KNDC1: variants seen among roughly 807,000 people sequenced by gnomAD.
KNDC1 encodes kinase non-catalytic C-lobe domain containing 1.
In KNDC1, 106 loss-of-function variants were observed where a neutral mutation model predicts 172.8. The ratio of observed to expected loss-of-function variants is 0.61; its 90% CI spans 0.52 to 0.72. The LOEUF is 0.72. KNDC1 is among the 30% of genes least tolerant of loss of function. The pLI, the probability that KNDC1 is intolerant of heterozygous loss-of-function variation, is 0.00. For missense variants in KNDC1, 2,325 were observed against 2,394.5 expected, an observed-to-expected ratio of 0.97 and a Z score of 0.61; for synonymous variants, 1,083 against 1,062.2, an observed-to-expected ratio of 1.02 and a Z score of -0.38.
At chr10:133,175,887 T>G (rs1853521125) in intron 3 of KNDC1, among the ~76,000 whole-genome samples, 1 of 148,276 alleles carries the variant, frequency 6.7e-6, no homozygotes, top group Non-Finnish European at 1.5e-5. Context: ...GATGGGTGGG[T>G]GAATGGATGG....
Position 133,200,448 on chromosome 10 carries a change from C to T in KNDC1, c.2977C>T (p.Leu993=), listed in dbSNP as rs912120794. ...CTCCCCGTCCAGCAAGAGGCCGTCG[C>T]TGCACCGCCTGGGTAAGTGCTGGGC... The part of the protein sequence containing the change: ...PRSPSSKRPS[L]HRLGKEKPAM... The change falls in exon 16 of 30, where the codon CTG becomes TTG. Residue 993 remains leucine (L), a synonymous_variant. Coordinates refer to ENST00000304613, the MANE Select transcript of KNDC1 (RefSeq NM_152643.8). 7 of 1,582,652 alleles carry T rather than the reference C, an allele frequency of 4.4e-6. No homozygotes were observed. The highest frequency in any genetic ancestry group is 6.0e-6 in the Non-Finnish European group (7 of 1,166,170).
At chr10:133,182,908 G>A (rs112829080) in intron 3 of KNDC1, among the ~76,000 whole-genome samples, 8 of 147,536 alleles carry the variant, frequency 5.4e-5, no homozygotes, top group East Asian at 2.0e-4. Context: ...GCGTGGGTGC[G>A]AGCAATGTGG....
chr10:133,210,569 C>T (rs372869455), intron 20 of KNDC1, 42 bp from the exon 21 acceptor site: 17 of 1,206,388 alleles, frequency 1.4e-5, no homozygotes, highest in Non-Finnish European at 2.0e-5. Flanking sequence ...CCCTGGGGTG[C>T]GGCCACCCCA....
chr10:133,207,306 T>C lies in KNDC1; in HGVS notation c.3749T>C (p.Leu1250Pro), dbSNP rs1285937933. ...HPGGRQKARI[L>P]QAGTPLGLMA... ...GGCGGCCGGCAGAAGGCCCGCATCC[T>C]GCAGGCCGGCACGCCGCTGGGGCTC... is the stretch of plus-strand genomic sequence containing the variant. The change falls in exon 20 of 30, where the codon CTG (leucine) becomes CCG (proline). Residue 1250 changes from leucine to proline, a missense_variant. Leu to Pro is a moderately conservative substitution (Grantham distance 98, BLOSUM62 -3). Coordinates refer to ENST00000304613, the MANE Select transcript of KNDC1 (RefSeq NM_152643.8). The C allele has an allele frequency of 1.2e-6, 2 of 1,612,906 alleles. No homozygotes were observed. Among genetic ancestry groups the C allele is most frequent in the South Asian group, 2.2e-5 (2 of 91,076 alleles).
intron 12 of KNDC1, 24 bp from the exon 13 acceptor site, chr10:133,198,313 A>G (rs771242099): frequency 4.8e-5 from 74 of 1,539,672 alleles, no homozygotes; most frequent in Non-Finnish European, 5.9e-5. Context: ...GCCCGCCCAC[A>G]CCCTCAGCCC....
chr10:133,206,797 C>G lies in KNDC1; in HGVS notation c.3481+19C>G, dbSNP rs781656403. On this transcript the variant is annotated intron_variant, in intron 18 of 29. Transcript: ENST00000304613. Reference sequence around the variant, plus strand: ...AACAAAGGTAAGGCCCCTGTGGGCACAGGTCCGAGACCCTGGCTGCAGGCA... The same window carrying G: ...AACAAAGGTAAGGCCCCTGTGGGCAGAGGTCCGAGACCCTGGCTGCAGGCA... 115 of 1,613,526 alleles carry G rather than the reference C, an allele frequency of 7.1e-5. No individual in the cohort carries two copies. Among genetic ancestry groups the G allele is most frequent in the Non-Finnish European group, 4.2e-6 (5 of 1,179,606 alleles).
chr10:133,225,941 G>C lies in KNDC1; in HGVS notation c.*1051G>C, dbSNP rs1302038348. The C allele has an allele frequency of 6.6e-6, 1 of 152,212 alleles. No homozygotes were observed. Among genetic ancestry groups the C allele is most frequent in the Non-Finnish European group, 1.5e-5 (1 of 68,052 alleles). The allele number at this position is 152,212 out of a possible 1,614,324, so 9.4% of individuals were successfully genotyped here. Reference sequence around the variant, plus strand: ...ATTGGCCTCTGCAGCTGGGTGACCAGAGCCCCGGGCACGGCCCCAGCTCCG... The same window carrying C: ...ATTGGCCTCTGCAGCTGGGTGACCACAGCCCCGGGCACGGCCCCAGCTCCG... On this transcript the variant is annotated 3_prime_UTR_variant, in exon 30 of 30. Transcript: ENST00000304613.
intron 4 of KNDC1, 57 bp downstream of exon 4, chr10:133,183,547 A>G: frequency 6.6e-7 from 1 of 1,520,702 alleles, no homozygotes; most frequent in Non-Finnish European, 8.8e-7. Flanking sequence ...ACAGGCCTGG[A>G]CACCGTGTGC....
rs1845698738 is a variant in KNDC1, at chr10:133,225,340, C to T, written c.*450C>T. 3 of 198,770 alleles carry T rather than the reference C, an allele frequency of 1.5e-5. No homozygotes were observed. In the South Asian group the frequency reaches 2.5e-4, roughly 17 times the overall value. 12.3% of individuals were successfully genotyped at this position (198,770 alleles called of 1,614,324 possible). On this transcript the variant is annotated 3_prime_UTR_variant, in exon 30 of 30. Transcript: ENST00000304613. ...TCTGAGCCAGCCTGGGTTGGCTGAG[C>T]AACGAAGGGCCAAAGCTGACCTCTG...
chr10:133,205,257 G>A (rs1421037341), intron 17 of KNDC1, among the ~76,000 whole-genome samples: 1 of 152,176 alleles, frequency 6.6e-6, no homozygotes, highest in Non-Finnish European at 1.5e-5. Context: ...CTGGGACAAC[G>A]CGGCGCCCTC....
chr10:133,205,706 C>T (rs763116362), intron 17 of KNDC1, among the ~76,000 whole-genome samples: 96 of 152,182 alleles, frequency 6.3e-4, no homozygotes, highest in Middle Eastern at 3.4e-3. Context: ...CAGTGGCTCA[C>T]GCCTGTAATC....
chr10:133,186,936 G>A (rs915417538), intron 6 of KNDC1, among the ~76,000 whole-genome samples: 1 of 152,126 alleles, frequency 6.6e-6, no homozygotes, highest in African/African-American at 2.4e-5. Flanking sequence ...CCTCAGCCCT[G>A]CCCGGCTCCT....
In KNDC1 at chr10:133,183,428, G is replaced by C. The variant is rs769819519; in HGVS notation, c.445G>C (p.Asp149His). 6.2e-7 allele frequency: 1 copy of C among 1,605,658 alleles called. No individual in the cohort carries two copies. Among genetic ancestry groups the C allele is most frequent in the Non-Finnish European group, 8.5e-7 (1 of 1,177,812 alleles). Reference protein sequence around the residue: ...EPTLEPRLSQDLEALLSRMQA... With the variant: ...EPTLEPRLSQHLEALLSRMQA... ...CACACTGGAACCCAGGCTGAGCCAAGACCTCGAGGCGCTGCTGAGCCGGAT... is the reference window on the plus strand; with the variant it reads ...CACACTGGAACCCAGGCTGAGCCAACACCTCGAGGCGCTGCTGAGCCGGAT... Residue 149 changes from aspartate (D) to histidine (H), a missense_variant, in exon 4 of 30, where the codon GAC becomes CAC. Transcript: ENST00000304613.
intron 3 of KNDC1, among the ~76,000 whole-genome samples, chr10:133,169,519 A>T (rs184611009): frequency 1.8e-4 from 27 of 152,356 alleles, no homozygotes; most frequent in Admixed American, 1.8e-3. Flanking sequence ...TTTCACTCTG[A>T]AACAAGTGAG....
At chr10:133,220,979 C>T (rs1223535411) in intron 29 of KNDC1, among the ~76,000 whole-genome samples, 1 of 152,128 alleles carries the variant, frequency 6.6e-6, no homozygotes, top group Non-Finnish European at 1.5e-5. Flanking sequence ...AGACCTCCCT[C>T]TACCCAAGAT....
At chr10:133,200,143 C>T (rs769771529) in intron 15 of KNDC1, among the ~76,000 whole-genome samples, 1 of 152,176 alleles carries the variant, frequency 6.6e-6, no homozygotes. Flanking sequence ...CCGGCCTCCT[C>T]GGCCCCGCAG....
intron 16 of KNDC1, 30 bp from the exon 17 acceptor site, chr10:133,201,471 T>A: frequency 6.4e-7 from 1 of 1,559,762 alleles, no homozygotes; most frequent in Non-Finnish European, 8.6e-7. Context: ...GGAGCCACTG[T>A]CCACGTAACC....
rs768532097 is a variant in KNDC1, at chr10:133,206,750, A to C, written c.3453A>C (p.Lys1151Asn). The change falls in exon 18 of 30, where the codon AAA (lysine) becomes AAC (asparagine). Residue 1151 changes from lysine (K) to asparagine (N), a missense_variant. Lys to Asn is a moderately conservative substitution (Grantham distance 94, BLOSUM62 0). Coordinates refer to ENST00000304613, the MANE Select transcript of KNDC1 (RefSeq NM_152643.8). ...GCAAGACCCTGAAGTTCTACCAGAAACTCTTACAGAAGGAAAAGAGGAACA... is the reference window on the plus strand; with the variant it reads ...GCAAGACCCTGAAGTTCTACCAGAACCTCTTACAGAAGGAAAAGAGGAACA... Reference protein sequence around the residue: ...NYRKTLKFYQKLLQKEKRNKG... With the variant: ...NYRKTLKFYQNLLQKEKRNKG... 1.2e-6 allele frequency: 2 copies of C among 1,613,906 alleles called. No homozygotes were observed. Among genetic ancestry groups the C allele is most frequent in the African/African-American group, 2.7e-5 (2 of 74,908 alleles).
At position 133,225,332 on chromosome 10, in the gene KNDC1, T is replaced by C. The variant is rs1410228609; in HGVS notation, c.*442T>C. The C allele has an allele frequency of 3.5e-5, 7 of 199,376 alleles. No homozygotes were observed. In the Admixed American group the frequency reaches 3.8e-4, roughly 11 times the overall value. 12.4% of individuals were successfully genotyped at this position (199,376 alleles called of 1,614,324 possible). A position where few individuals can be genotyped will look rare whatever the true frequency, so the allele number is the denominator to read the frequency against. ...AGCAGGTTTCTGAGCCAGCCTGGGT[T>C]GGCTGAGCAACGAAGGGCCAAAGCT... On this transcript the variant is annotated 3_prime_UTR_variant, in exon 30 of 30. Coordinates refer to ENST00000304613, the MANE Select transcript of KNDC1 (RefSeq NM_152643.8).
Sources: allele counts gnomAD v4.1 joint callset (sites outside exome capture counted in the v4.1 genomes callset), GRCh38; gene constraint gnomAD v4.1.1; transcripts MANE v1.5; gene names NCBI Gene and HGNC (gene_info 2026-07-23, HGNC 2026-07-21).